The following DNASE1L1 variants were observed in gnomAD, a reference collection of about 807,000 sequenced individuals.
DNASE1L1 encodes deoxyribonuclease 1 like 1.
Under a neutral mutation model 18.6 loss-of-function variants are expected in DNASE1L1, and 8 were observed. That is an observed-to-expected ratio of 0.43 (90% CI 0.25 to 0.78). DNASE1L1 has a LOEUF of 0.78. Ranked by LOEUF, DNASE1L1 falls within the 30% of genes least tolerant of loss-of-function variation. The pLI, the probability that DNASE1L1 is intolerant of heterozygous loss-of-function variation, is 0.23. For synonymous variants in DNASE1L1, 114 were observed against 114.2 expected, an observed-to-expected ratio of 1.00 and a Z score of 0.01; for missense variants, 214 against 258.2, an observed-to-expected ratio of 0.83 and a Z score of 1.17.
chrX:154,403,752 C>G, intron 4 of DNASE1L1, 130 bp from the exon 5 acceptor site: 2 of 499,789 alleles, frequency 4.0e-6, no homozygotes, highest in Admixed American at 3.7e-5. Flanking sequence ...CAACCTGTCT[C>G]TAGAACTTTC....
At chrX:154,406,373 T>G (rs2068151640) in intron 1 of DNASE1L1, among the ~76,000 whole-genome samples, 1 of 103,691 alleles carries the variant, frequency 9.6e-6, no homozygotes, top group African/African-American at 3.6e-5. Flanking sequence ...ATCTGGTTTT[T>G]TTTTTTTTTT....
At position 154,402,784 on chromosome X, in the gene DNASE1L1, G is replaced by GC. The variant is rs1222105067; in HGVS notation, c.831dup (p.His278AlafsTer41). 1 of 1,210,222 alleles carries GC rather than the reference G, an allele frequency of 8.3e-7. No homozygotes were observed. Among genetic ancestry groups the GC allele is most frequent in the East Asian group, 3.0e-5 (1 of 33,791 alleles). ...GTGAGGCTGAGAGGCTGGACGCTGT[G>GC]CGCCTGGCTCAGCTTCAGCTCCACC... On this transcript the variant is annotated frameshift_variant, in exon 8 of 8. Coordinates refer to ENST00000369807, the MANE Select transcript of DNASE1L1 (RefSeq NM_001303620.2). LOFTEE classifies it low-confidence loss of function (END_TRUNC).
intron 1 of DNASE1L1, 119 bp from the exon 2 acceptor site, chrX:154,405,774 A>G (rs1603372790): frequency 3.5e-6 from 1 of 284,062 alleles, no homozygotes. Flanking sequence ...TCTGTCTCCA[A>G]AAAAAAAAAT....
upstream of DNASE1L1, chrX:154,411,747 CAG>C (rs2068300460): frequency 3.6e-6 from 3 of 842,962 alleles, no homozygotes; most frequent in South Asian, 6.5e-5. Context: ...GCGGGCCAGT[CAG>C]GGGCCAGTGT....
Position 154,405,057 on chromosome X carries a change from C to T in DNASE1L1, c.162G>A (p.Val54=), listed in dbSNP as rs150301252. The T allele has an allele frequency of 2.5e-6, 3 of 1,209,669 alleles. No homozygotes were observed. In the African/African-American group the frequency reaches 5.2e-5, roughly 21 times the overall value. ...VRILARCDIM[V]LQEVVDSSGS... is the part of the protein sequence containing the mutation. Reference sequence around the variant, plus strand: ...CGGAAGAGTCCACCACCTCCTGCAGCACCATGATGTCACAGCGAGCCAGTA... The same window carrying T: ...CGGAAGAGTCCACCACCTCCTGCAGTACCATGATGTCACAGCGAGCCAGTA... The change falls in exon 3 of 8, where the codon GTG becomes GTA. Residue 54 remains valine (V), a synonymous_variant. Transcript: ENST00000369807.
chrX:154,402,964 C>G lies in DNASE1L1; in HGVS notation c.752G>C (p.Ser251Thr). The change falls in exon 7 of 8, where the codon AGC (serine) becomes ACC (threonine). Residue 251 changes from serine (S) to threonine (T), a missense_variant. Transcript: ENST00000369807. ...HTAAAFDFPT[S>T]FQLTEEEALN... is the part of the protein sequence containing the mutation. Reference sequence around the variant, plus strand: ...CACCTCCTCCTCGGTGAGCTGGAAGCTCGTGGGGAAGTCAAAGGCAGCCGC... The same window carrying G: ...CACCTCCTCCTCGGTGAGCTGGAAGGTCGTGGGGAAGTCAAAGGCAGCCGC... 8.3e-7 allele frequency: 1 copy of G among 1,210,779 alleles called. No individual in the cohort carries two copies. The highest frequency in any genetic ancestry group is 2.4e-4 in the Middle Eastern group (1 of 4,126).
chrX:154,401,826 C>A lies in DNASE1L1; in HGVS notation c.*881G>T, dbSNP rs1469655119. The A allele has an allele frequency of 3.6e-5, 4 of 110,316 alleles. No individual in the cohort carries two copies. Among genetic ancestry groups the A allele is most frequent in the African/African-American group, 1.3e-4 (4 of 30,225 alleles). 9.1% of individuals were successfully genotyped at this position (110,316 alleles called of 1,213,427 possible). The stretch of plus-strand genomic sequence containing the variant: ...GGGAATACCTTTTATTTTTTTTTTA[C>A]CTTGGGGTGATGGTTCCAAACCATA... On this transcript the variant is annotated 3_prime_UTR_variant, in exon 8 of 8. Transcript: ENST00000369807.
chrX:154,403,574 A>G lies in DNASE1L1; in HGVS notation c.360T>C (p.Asp120=), dbSNP rs782817023. ...VLSSYVYNDE[D]DVFAREPFVA... ...CAAATGGCTCCCGGGCAAAGACGTC[A>G]TCCTCATCGTTGTACACGTAGGAAC... Residue 120 remains aspartate, a synonymous_variant, in exon 5 of 8, where the codon GAT becomes GAC. Transcript: ENST00000369807. 5.0e-6 allele frequency: 6 copies of G among 1,212,059 alleles called. No homozygotes were observed. The highest frequency in any genetic ancestry group is 2.2e-5 in the Admixed American group (1 of 46,096).
chrX:154,404,360 T>C (rs1457563755), intron 4 of DNASE1L1, among the ~76,000 whole-genome samples: 1 of 110,849 alleles, frequency 9.0e-6, no homozygotes, highest in Admixed American at 9.6e-5. Context: ...CATATCATTT[T>C]ATTTATATAG....
chrX:154,403,593 T>C lies in DNASE1L1; in HGVS notation c.341A>G (p.Tyr114Cys), dbSNP rs1557187651. ...RSHKTQVLSSYVYNDEDDVFA... is the reference protein window; with the variant it reads ...RSHKTQVLSSCVYNDEDDVFA... ...GACGTCATCCTCATCGTTGTACACG[T>C]AGGAACTCAGGACCTGTGTTTTGTG... Residue 114 changes from tyrosine to cysteine, a missense_variant, in exon 5 of 8, where the codon TAC becomes TGC. Transcript: ENST00000369807. The C allele has an allele frequency of 8.3e-7, 1 of 1,211,466 alleles. No individual in the cohort carries two copies. The highest frequency in any genetic ancestry group is 1.1e-6 in the Non-Finnish European group (1 of 895,263).
At position 154,403,604 on chromosome X, in the gene DNASE1L1, G is replaced by T; in HGVS notation, c.330C>A (p.Val110=). Reference sequence around the variant, plus strand: ...CATCGTTGTACACGTAGGAACTCAGGACCTGTGTTTTGTGTGACCTGGGAG... The same window carrying T: ...CATCGTTGTACACGTAGGAACTCAGTACCTGTGTTTTGTGTGACCTGGGAG... ...VYFYRSHKTQ[V]LSSYVYNDED... is the part of the protein sequence containing the mutation. Residue 110 remains valine, a synonymous_variant, in exon 5 of 8, where the codon GTC becomes GTA. Coordinates refer to ENST00000369807, the MANE Select transcript of DNASE1L1 (RefSeq NM_001303620.2). 1 of 1,211,631 alleles carries T rather than the reference G, an allele frequency of 8.3e-7. No individual in the cohort carries two copies. Among genetic ancestry groups the T allele is most frequent in the African/African-American group, 1.7e-5 (1 of 57,871 alleles).
rs781963783 is a variant in DNASE1L1, at chrX:154,404,808, G to A, written c.311+20C>T. The A allele has an allele frequency of 4.1e-5, 49 of 1,202,247 alleles. No homozygotes were observed. The highest frequency in any genetic ancestry group is 1.4e-4 in the South Asian group (8 of 55,775). ...CAAGGACCGCCCCCCACCCTGCTGCGCTGCCAGCTCCGTGCTCACCGATAG... is the reference window on the plus strand; with the variant it reads ...CAAGGACCGCCCCCCACCCTGCTGCACTGCCAGCTCCGTGCTCACCGATAG... On this transcript the variant is annotated intron_variant, in intron 4 of 7. Coordinates refer to ENST00000369807, the MANE Select transcript of DNASE1L1 (RefSeq NM_001303620.2).
intron 2 of DNASE1L1, 70 bp from the exon 3 acceptor site, chrX:154,405,153 G>T (rs2068124483): frequency 1.1e-5 from 12 of 1,049,513 alleles, no homozygotes; most frequent in Middle Eastern, 2.6e-4. Flanking sequence ...GGGCCCAGGG[G>T]ACTGGCACTG....
At chrX:154,404,036 G>C (rs1484919867) in intron 4 of DNASE1L1, among the ~76,000 whole-genome samples, 1 of 107,569 alleles carries the variant, frequency 9.3e-6, no homozygotes, top group African/African-American at 3.4e-5. Context: ...AATGTTTTCT[G>C]CGTTCGTCCA....
chrX:154,404,337 G>A (rs1172274498), intron 4 of DNASE1L1, among the ~76,000 whole-genome samples: 1 of 109,807 alleles, frequency 9.1e-6, no homozygotes, highest in African/African-American at 3.3e-5. Context: ...ATTTTGGAGC[G>A]CATACCAGAT....
Position 154,401,680 on chromosome X carries a change from G to A in DNASE1L1, c.*1027C>T, listed in dbSNP as rs1439293339. On this transcript the variant is annotated 3_prime_UTR_variant, in exon 8 of 8. Coordinates refer to ENST00000369807, the MANE Select transcript of DNASE1L1 (RefSeq NM_001303620.2). The stretch of plus-strand genomic sequence containing the variant: ...CAAAGGCTTTTGGTCCCAGAGCTGG[G>A]GTATGTTGGCCCCAGCCCCCAGCCT... 3 of 111,766 alleles carry A rather than the reference G, an allele frequency of 2.7e-5. No individual in the cohort carries two copies. The highest frequency in any genetic ancestry group is 9.5e-5 in the Admixed American group (1 of 10,568). The allele number at this position is 111,766 out of a possible 1,213,427, so 9.2% of individuals were successfully genotyped here. A position where few individuals can be genotyped will look rare whatever the true frequency, so the allele number is the denominator to read the frequency against.
upstream of DNASE1L1, among the ~76,000 whole-genome samples, chrX:154,411,168 G>A (rs1178278839): frequency 1.8e-5 from 2 of 111,663 alleles, no homozygotes; most frequent in Non-Finnish European, 3.8e-5. Context: ...ATGTGGCTGG[G>A]CGGGGTGGCT....
At chrX:154,409,298 C>T (rs1211283432), upstream of DNASE1L1, 2 of 241,572 alleles carry the variant, frequency 8.3e-6, no homozygotes, top group South Asian at 8.1e-5. Context: ...CAGGCAGGCC[C>T]GCCCCGTCTC....
At chrX:154,411,788 G>A (rs1557190672), upstream of DNASE1L1, 2 of 1,081,253 alleles carry the variant, frequency 1.8e-6, no homozygotes, top group Admixed American at 5.2e-5. Context: ...CAGACCTAGA[G>A]GCGCCCCACA....
Sources: allele counts gnomAD v4.1 joint callset (sites outside exome capture counted in the v4.1 genomes callset), GRCh38; gene constraint gnomAD v4.1.1; transcripts MANE v1.5; gene names NCBI Gene and HGNC (gene_info 2026-07-23, HGNC 2026-07-21).